KHSRP: variants seen among roughly 807,000 people sequenced by gnomAD.
KHSRP encodes KH-type splicing regulatory protein.
KHSRP carries 13 observed loss-of-function variants against 94.9 expected under a neutral mutation model. The observed-to-expected ratio is 0.14, with a 90% CI of 0.09 to 0.22. The LOEUF (loss-of-function observed/expected upper bound fraction) is 0.22, where lower values mean the gene tolerates loss of function less well. Among genes scored for constraint, KHSRP ranks in the 10% least tolerant of loss-of-function variants. KHSRP has a pLI of 1.00. For synonymous variants in KHSRP, 495 were observed against 401.4 expected (o/e 1.23, Z -2.79); for missense variants, 710 against 1,010.0 (o/e 0.70, Z 4.03).
rs1433204376 is a variant in KHSRP at position 6,417,642 on chromosome 19, G to A, written c.1081+97C>T. On this transcript the variant is annotated intron_variant, in intron 11 of 18. Transcript: ENST00000600480. Reference sequence around the variant, plus strand: ...CTAAGAGCCGTGAGGTGCTATGGAGGCCACCTGGCTGACCACGGTGCCCAG... The same window carrying A: ...CTAAGAGCCGTGAGGTGCTATGGAGACCACCTGGCTGACCACGGTGCCCAG... The A allele has an allele frequency of 9.5e-6, 9 of 949,484 alleles. No individual in the cohort carries two copies. In the East Asian group the frequency reaches 1.5e-4, roughly 16 times the overall value. 58.8% of individuals were successfully genotyped at this position (949,484 alleles called of 1,614,324 possible). A position where few individuals can be genotyped will look rare whatever the true frequency, so the allele number is the denominator to read the frequency against.
At position 6,416,312 on chromosome 19, in the gene KHSRP, G is replaced by C; in HGVS notation, c.1584C>G (p.Pro528=). ...FNPGPFNQGP[P]GAPPHAGGPP... ...AGGATACTCACTGTGGGGGAGCCCC[G>C]GGTGGCCCCTGGTTGAAGGGCCCAG... The change falls in exon 15 of 19, where the codon CCC becomes CCG. Residue 528 remains proline, a synonymous_variant. Transcript: ENST00000600480. 2.5e-6 allele frequency: 4 copies of C among 1,601,930 alleles called. No homozygotes were observed. Among genetic ancestry groups the C allele is most frequent in the Non-Finnish European group, 3.4e-6 (4 of 1,176,600 alleles).
chr19:6,413,262 A>C lies in KHSRP; in HGVS notation c.*1762T>G, dbSNP rs1218061992. On this transcript the variant is annotated 3_prime_UTR_variant, in exon 19 of 19. Transcript: ENST00000600480. ...TCAATCACCATTATCAGGCTTTTTA[A>C]ACAACATCTATAAAGAACAAACATC... is the stretch of plus-strand genomic sequence containing the variant. The C allele has an allele frequency of 6.0e-6, 1 of 166,430 alleles. No individual in the cohort carries two copies. The highest frequency in any genetic ancestry group is 1.3e-5 in the Non-Finnish European group (1 of 75,338). The allele number at this position is 166,430 out of a possible 1,614,324, so 10.3% of individuals were successfully genotyped here. A position where few individuals can be genotyped will look rare whatever the true frequency, so the allele number is the denominator to read the frequency against.
chr19:6,413,977 G>C lies in KHSRP; in HGVS notation c.*1047C>G. On this transcript the variant is annotated 3_prime_UTR_variant, in exon 19 of 19. Transcript: ENST00000600480. The stretch of plus-strand genomic sequence containing the variant: ...CATGCCCCCAAGTCCCCCCCACCCT[G>C]CTTGCCGCGAGGGCTCCCCAGTACT... 3.7e-6 allele frequency: 4 copies of C among 1,093,022 alleles called. No individual in the cohort carries two copies. Among genetic ancestry groups the C allele is most frequent in the Non-Finnish European group, 3.8e-6 (3 of 799,926 alleles). The allele number at this position is 1,093,022 out of a possible 1,614,324, so 67.7% of individuals were successfully genotyped here. A position where few individuals can be genotyped will look rare whatever the true frequency, so the allele number is the denominator to read the frequency against.
At chr19:6,420,292 C>T (rs539831819) in intron 5 of KHSRP, 130 bp downstream of exon 5, 38 of 1,146,318 alleles carry the variant, frequency 3.3e-5, no homozygotes, top group Admixed American at 7.9e-5. Context: ...CCAGAGGGGA[C>T]GAAGGAGGGA....
chr19:6,418,638 T>G lies in KHSRP; in HGVS notation c.781-57A>C. 1.2e-6 allele frequency: 2 copies of G among 1,612,928 alleles called. No individual in the cohort carries two copies. Among genetic ancestry groups the G allele is most frequent in the Non-Finnish European group, 1.7e-6 (2 of 1,178,952 alleles). Reference sequence around the variant, plus strand: ...GCTCTCCCAGGACTTCCTGGGCTGCTGTGGTGGTGGCGGTGGGGTGTGGCA... The same window carrying G: ...GCTCTCCCAGGACTTCCTGGGCTGCGGTGGTGGTGGCGGTGGGGTGTGGCA... On this transcript the variant is annotated intron_variant, in intron 8 of 18. Transcript: ENST00000600480. The surrounding 1 kb of genome is among the most constrained non-coding windows in gnomAD (Gnocchi z 4.3).
intron 15 of KHSRP, 74 bp downstream of exon 15, chr19:6,416,224 A>T: frequency 3.2e-6 from 4 of 1,245,602 alleles, no homozygotes; most frequent in Non-Finnish European, 4.5e-6. Flanking sequence ...GGGAAAGGGA[A>T]ATGGGGTCTG....
chr19:6,421,441 T>C (rs2092194491), intron 3 of KHSRP, 124 bp from the exon 4 acceptor site: 1 of 1,038,448 alleles, frequency 9.6e-7, no homozygotes, highest in South Asian at 1.5e-5. Context: ...CAGTGCCTCA[T>C]GGATGCTGTG....
Position 6,424,514 on chromosome 19 carries a change from C to A in KHSRP, c.188G>T (p.Gly63Val). 1.0e-6 allele frequency: 1 copy of A among 986,790 alleles called. No individual in the cohort carries two copies. The highest frequency in any genetic ancestry group is 1.2e-6 in the Non-Finnish European group (1 of 832,362). The allele number at this position is 986,790 out of a possible 1,614,324, so 61.1% of individuals were successfully genotyped here. ...GSAGGPSQPP[G>V]GGGPGIRKDA... The stretch of plus-strand genomic sequence containing the variant: ...CTTGCGGATTCCCGGGCCGCCTCCG[C>A]CGGGTGGCTGAGAGGGGCCCCCGGC... Residue 63 changes from glycine to valine, a missense_variant, in exon 1 of 19, where the codon GGC (glycine) becomes GTC (valine). Gly to Val is a moderately radical substitution (Grantham distance 109, BLOSUM62 -3). Around this residue, in one of 5 missense-constraint regions of KHSRP, gnomAD observed 92 missense variants for 80.8 expected, o/e 1.14. Coordinates refer to ENST00000600480, the MANE Select transcript of KHSRP (RefSeq NM_001366299.1).
chr19:6,419,910 T>C (rs888827662), intron 6 of KHSRP, among the ~76,000 whole-genome samples, 163 bp downstream of exon 6: 1 of 152,236 alleles, frequency 6.6e-6, no homozygotes, highest in Non-Finnish European at 1.5e-5. Flanking sequence ...CCGTGGGCAG[T>C]ACTAGTGGAG....
At position 6,415,033 on chromosome 19, in the gene KHSRP, C is replaced by G; in HGVS notation, c.2235G>C (p.Val745=). The change falls in exon 19 of 19, where the codon GTG becomes GTC. Residue 745 remains valine, a synonymous_variant. Coordinates refer to ENST00000600480, the MANE Select transcript of KHSRP (RefSeq NM_001366299.1). ...GCCCCCGCTGCAGGCATCAAGGGCA[C>G]ACCCCGCAGGGGAAGGGGTTTCCGG... The part of the protein sequence containing the change: ...GSAGNPFPCG[V]CP The G allele has an allele frequency of 6.6e-7, 1 of 1,505,364 alleles. No individual in the cohort carries two copies. Among genetic ancestry groups the G allele is most frequent in the South Asian group, 1.3e-5 (1 of 77,848 alleles). The allele number at this position is 1,505,364 out of a possible 1,614,324, so 93.3% of individuals were successfully genotyped here.
rs976334715 is a variant in KHSRP at position 6,415,929 on chromosome 19, TGGTGCGGG to T, written c.1599-41_1599-34del. On this transcript the variant is annotated intron_variant, in intron 15 of 18. Coordinates refer to ENST00000600480, the MANE Select transcript of KHSRP (RefSeq NM_001366299.1). ...AGAGAAGAAAGGGATGCTTGAGCAGTGGTGCGGGGGTGGCCGCAGCCGGACCACCTGGG... is the reference window on the plus strand; with the variant it reads ...AGAGAAGAAAGGGATGCTTGAGCAGTGGTGGCCGCAGCCGGACCACCTGGG... The T allele has an allele frequency of 2.6e-5, 36 of 1,379,320 alleles. No homozygotes were observed. In the African/African-American group the frequency reaches 4.8e-4, roughly 18 times the overall value. The allele number at this position is 1,379,320 out of a possible 1,614,324, so 85.4% of individuals were successfully genotyped here. A position where few individuals can be genotyped will look rare whatever the true frequency, so the allele number is the denominator to read the frequency against.
rs1599244048 is a variant in KHSRP, at chr19:6,421,084, C to T, written c.425+194G>A. On this transcript the variant is annotated intron_variant, in intron 4 of 18. Coordinates refer to ENST00000600480, the MANE Select transcript of KHSRP (RefSeq NM_001366299.1). Reference sequence around the variant, plus strand: ...TGACTGCCACGACGCTCCCCTCCCACAGCCCTTCAGACAAGGGGTACGAGG... The same window carrying T: ...TGACTGCCACGACGCTCCCCTCCCATAGCCCTTCAGACAAGGGGTACGAGG... The T allele has an allele frequency of 1.3e-5, 8 of 610,354 alleles. No individual in the cohort carries two copies. In the East Asian group the frequency reaches 2.0e-4, roughly 15 times the overall value. The allele number at this position is 610,354 out of a possible 1,614,324, so 37.8% of individuals were successfully genotyped here. A position where few individuals can be genotyped will look rare whatever the true frequency, so the allele number is the denominator to read the frequency against.
At position 6,414,898 on chromosome 19, in the gene KHSRP, G is replaced by A; in HGVS notation, c.*126C>T. On this transcript the variant is annotated 3_prime_UTR_variant, in exon 19 of 19. Coordinates refer to ENST00000600480, the MANE Select transcript of KHSRP (RefSeq NM_001366299.1). The stretch of plus-strand genomic sequence containing the variant: ...AGCGCTCCCCAGCATCACGACAGCG[G>A]CACACAGGAACAAGCAGCCGGCGCA... 7.2e-7 allele frequency: 1 copy of A among 1,380,206 alleles called. No homozygotes were observed. The highest frequency in any genetic ancestry group is 1.5e-5 in the African/African-American group (1 of 68,354). The allele number at this position is 1,380,206 out of a possible 1,614,324, so 85.5% of individuals were successfully genotyped here. A position where few individuals can be genotyped will look rare whatever the true frequency, so the allele number is the denominator to read the frequency against.
intron 7 of KHSRP, 150 bp downstream of exon 7, chr19:6,419,053 G>C: frequency 3.7e-6 from 4 of 1,073,280 alleles, no homozygotes; most frequent in South Asian, 1.4e-5. Flanking sequence ...GGCTGCCGGG[G>C]AATCAGCCTC....
intron 3 of KHSRP, 164 bp from the exon 4 acceptor site, chr19:6,421,481 T>G: frequency 1.0e-6 from 1 of 985,460 alleles, no homozygotes; most frequent in East Asian, 2.5e-5. Context: ...ACAGAGCTCA[T>G]CTCCCTCAAT....
intron 11 of KHSRP, among the ~76,000 whole-genome samples, chr19:6,417,328 C>T (rs534447975): frequency 6.6e-6 from 1 of 152,338 alleles, no homozygotes; most frequent in Non-Finnish European, 1.5e-5. Context: ...ACCCCCAGCA[C>T]TGAGAGATTT....
rs1195317791 is a variant in KHSRP at position 6,417,730 on chromosome 19, G to A, written c.1081+9C>T. ...CACTGGCCAGGGGCAGGGTGGGCCA[G>A]GCCCTGACCTTGCTTGAACTGTATC... On this transcript the variant is annotated intron_variant, in intron 11 of 18. Transcript: ENST00000600480. The A allele has an allele frequency of 2.5e-6, 4 of 1,611,388 alleles. No individual in the cohort carries two copies. In the East Asian group the frequency reaches 6.7e-5, roughly 27 times the overall value.
Position 6,414,370 on chromosome 19 carries a change from G to T in KHSRP, c.*654C>A. The T allele has an allele frequency of 7.4e-7, 1 of 1,350,986 alleles. No individual in the cohort carries two copies. 83.7% of individuals were successfully genotyped at this position (1,350,986 alleles called of 1,614,324 possible). On this transcript the variant is annotated 3_prime_UTR_variant, in exon 19 of 19. Transcript: ENST00000600480. ...GCAGGAAGAGAGGAGAGGGGCCGCG[G>T]AGGGCGGAGGCGCTAGGGTCGTAGG...
Position 6,413,206 on chromosome 19 carries a change from TA to T in KHSRP, c.*1817del, listed in dbSNP as rs113170492. ...GAAGAAAACTATTTTATATTTTTCT[TA>T]AAAAAAAAAAAACACAAAGTTTGTA... On this transcript the variant is annotated 3_prime_UTR_variant, in exon 19 of 19. Coordinates refer to ENST00000600480, the MANE Select transcript of KHSRP (RefSeq NM_001366299.1). The T allele has an allele frequency of 1.7e-3, 246 of 142,454 alleles. No homozygotes were observed. Among genetic ancestry groups the T allele is most frequent in the South Asian group, 7.2e-3 (43 of 5,962 alleles). The allele number at this position is 142,454 out of a possible 1,614,324, so 8.8% of individuals were successfully genotyped here. A position where few individuals can be genotyped will look rare whatever the true frequency, so the allele number is the denominator to read the frequency against.
Sources: allele counts gnomAD v4.1 joint callset (sites outside exome capture counted in the v4.1 genomes callset), GRCh38; gene constraint gnomAD v4.1.1; regional missense constraint gnomAD v4.1.1; non-coding constraint Gnocchi (gnomAD v3.1); transcripts MANE v1.5; gene names NCBI Gene and HGNC (gene_info 2026-07-23, HGNC 2026-07-21).